Variants in U2AF2 observed in about 807,000 individuals in gnomAD.
U2AF2 encodes the protein U2 small nuclear RNA auxiliary factor 2, also known as splicing factor U2AF 65 kDa subunit.
U2AF2 carries 6 observed loss-of-function variants against 52.6 expected under a neutral mutation model. The ratio of observed to expected loss-of-function variants is 0.11; its 90% CI spans 0.06 to 0.23. U2AF2 has a LOEUF of 0.23. Among genes scored for constraint, U2AF2 ranks in the 10% least tolerant of loss-of-function variants. The pLI is 1.00. For synonymous variants in U2AF2, 284 were observed against 258.2 expected (o/e 1.10, Z -0.96); for missense variants, 222 against 677.1 (o/e 0.33, Z 7.46).
intron 1 of U2AF2, 41 bp downstream of exon 1, chr19:55,655,194 C>G (rs754426662): frequency 6.3e-6 from 10 of 1,583,076 alleles, no homozygotes; most frequent in Non-Finnish European, 7.7e-6. Flanking sequence ...GTGGGCGGCT[C>G]CTCGCGTCGC....
Position 55,674,036 on chromosome 19 carries a change from C to G in U2AF2, c.1396C>G (p.Pro466Ala). 1 of 1,613,710 alleles carries G rather than the reference C, an allele frequency of 6.2e-7. No homozygotes were observed. Among genetic ancestry groups the G allele is most frequent in the Non-Finnish European group, 8.5e-7 (1 of 1,179,822 alleles). ...AGTGGTTGTCACAAAATACTGTGAC[C>G]CCGACTCTTATCACCGCCGGGACTT... ...NRVVVTKYCD[P>A]DSYHRRDFW The change falls in exon 12 of 12, where the codon CCC (proline) becomes GCC (alanine). Residue 466 changes from proline to alanine, a missense_variant. Physicochemically the swap from Pro to Ala is conservative, Grantham distance 27 (BLOSUM62 -1). Around this residue, in one of 4 missense-constraint regions of U2AF2, gnomAD observed 71 missense variants for 180.6 expected, o/e 0.39. Coordinates refer to ENST00000308924, the MANE Select transcript of U2AF2 (RefSeq NM_007279.3).
Position 55,659,441 on chromosome 19 carries a change from C to T in U2AF2, c.185+96C>T, listed in dbSNP as rs186285410. On this transcript the variant is annotated intron_variant, in intron 2 of 11. Coordinates refer to ENST00000308924, the MANE Select transcript of U2AF2 (RefSeq NM_007279.3). Reference sequence around the variant, plus strand: ...GCCTGTGTGTGTCTGTGTCTGGGTCCGGGCCCTGTGTGGCTCGTTCGTTCT... The same window carrying T: ...GCCTGTGTGTGTCTGTGTCTGGGTCTGGGCCCTGTGTGGCTCGTTCGTTCT... 34 of 1,341,952 alleles carry T rather than the reference C, an allele frequency of 2.5e-5. No individual in the cohort carries two copies. In the African/African-American group the frequency reaches 3.5e-4, roughly 14 times the overall value. The allele number at this position is 1,341,952 out of a possible 1,614,324, so 83.1% of individuals were successfully genotyped here.
chr19:55,669,724 C>T (rs768927442), intron 11 of U2AF2, 32 bp downstream of exon 11: 8 of 1,559,134 alleles, frequency 5.1e-6, no homozygotes, highest in East Asian at 2.3e-5. Context: ...TGCTCTCTCA[C>T]CCTCTGCCCC....
At chr19:55,660,142 C>A in intron 2 of U2AF2, 35 bp from the exon 3 acceptor site, 1 of 1,585,300 alleles carries the variant, frequency 6.3e-7, no homozygotes, top group Non-Finnish European at 8.6e-7. Flanking sequence ...GGTCCCCAGT[C>A]ACCCCTCCCC....
chr19:55,656,743 G>T (rs948587258), intron 1 of U2AF2, among the ~76,000 whole-genome samples: 50 of 152,234 alleles, frequency 3.3e-4, no homozygotes, highest in African/African-American at 1.2e-3. Context: ...TCAGGGCTCA[G>T]CTAGTCAGAG....
chr19:55,669,822 C>T (rs1984775453), intron 11 of U2AF2, 130 bp downstream of exon 11: 2 of 1,360,002 alleles, frequency 1.5e-6, no homozygotes, highest in Non-Finnish European at 9.7e-7. Context: ...TCCTCTCTCT[C>T]TCCTCTCGCA....
intron 11 of U2AF2, among the ~76,000 whole-genome samples, chr19:55,670,029 G>A (rs1984792517): frequency 6.6e-6 from 1 of 152,124 alleles, no homozygotes; most frequent in Admixed American, 6.5e-5. Flanking sequence ...TGTGCAAATG[G>A]TTTTGCCTGG....
In U2AF2 at chr19:55,668,621, C is replaced by A; in HGVS notation, c.822+35C>A. ...CTGCCTCCCTCCAGACCCGTCCCCC[C>A]ACCCCGCCCCACCTCATCCCAGCCC... On this transcript the variant is annotated intron_variant, in intron 8 of 11. Transcript: ENST00000308924. The surrounding 1 kb of genome is among the most constrained non-coding windows in gnomAD (Gnocchi z 5.5). 3 of 1,596,626 alleles carry A rather than the reference C, an allele frequency of 1.9e-6. No individual in the cohort carries two copies. Among genetic ancestry groups the A allele is most frequent in the African/African-American group, 1.3e-5 (1 of 74,582 alleles).
intron 3 of U2AF2, 55 bp from the exon 4 acceptor site, chr19:55,660,461 A>C: frequency 1.7e-6 from 2 of 1,167,850 alleles, no homozygotes; most frequent in Non-Finnish European, 2.5e-6. Context: ...TCGCAGGCCC[A>C]CTGTTGGTCA....
chr19:55,660,278 C>T (rs377628998), intron 3 of U2AF2, 57 bp downstream of exon 3: 34 of 1,575,084 alleles, frequency 2.2e-5, no homozygotes, highest in South Asian at 6.9e-5. Flanking sequence ...ACCTTCCTCA[C>T]GCCCGTGCAC....
At chr19:55,655,526 T>A (rs190661772) in intron 1 of U2AF2, among the ~76,000 whole-genome samples, 3 of 152,274 alleles carry the variant, frequency 2.0e-5, no homozygotes, top group Non-Finnish European at 4.4e-5. Flanking sequence ...CCGTAATCTC[T>A]TTTCTCCCGC....
At chr19:55,673,880 A>G (rs2122137175) in intron 11 of U2AF2, 54 bp from the exon 12 acceptor site, 5 of 1,566,914 alleles carry the variant, frequency 3.2e-6, no homozygotes, top group Admixed American at 1.8e-5. Context: ...GTGGACGCTG[A>G]CTGGCTGTTG....
intron 3 of U2AF2, 133 bp downstream of exon 3, chr19:55,660,354 A>T (rs1418587827): frequency 2.6e-6 from 3 of 1,162,514 alleles, no homozygotes; most frequent in Non-Finnish European, 3.7e-6. Flanking sequence ...TGAAACCAGC[A>T]CCCCTTTCCC....
chr19:55,655,226 C>G (rs1568546362), intron 1 of U2AF2, 73 bp downstream of exon 1: 1 of 1,518,734 alleles, frequency 6.6e-7, no homozygotes. Flanking sequence ...CCGCCATTTT[C>G]TCCCTCGCTT....
chr19:55,659,103 G>T, intron 1 of U2AF2, 107 bp from the exon 2 acceptor site: 1 of 1,364,964 alleles, frequency 7.3e-7, no homozygotes. Flanking sequence ...CCTTCCCTTT[G>T]GGGGTGGCCT....
At chr19:55,657,782 C>T (rs1427617505) in intron 1 of U2AF2, among the ~76,000 whole-genome samples, 1 of 152,212 alleles carries the variant, frequency 6.6e-6, no homozygotes, top group African/African-American at 2.4e-5. Context: ...TCGTGCTTAA[C>T]TCACTGATGT....
At position 55,668,621 on chromosome 19, in the gene U2AF2, C is replaced by CCCCCCCCCCCCCCCCAA; in HGVS notation, c.822+35_822+36insCCCCCCCCCCCCCCCAA. ...CTGCCTCCCTCCAGACCCGTCCCCCCACCCCGCCCCACCTCATCCCAGCCC... is the reference window on the plus strand; with the variant it reads ...CTGCCTCCCTCCAGACCCGTCCCCCCCCCCCCCCCCCCCCCAAACCCCGCCCCACCTCATCCCAGCCC... On this transcript the variant is annotated intron_variant, in intron 8 of 11. Coordinates refer to ENST00000308924, the MANE Select transcript of U2AF2 (RefSeq NM_007279.3). This position sits in a 1 kb window ranked among gnomAD's most constrained non-coding sequence, Gnocchi z 5.5. 6.3e-7 allele frequency: 1 copy of CCCCCCCCCCCCCCCCAA among 1,596,620 alleles called. No homozygotes were observed.
chr19:55,672,649 T>C (rs865866116), intron 11 of U2AF2, among the ~76,000 whole-genome samples: 4 of 152,304 alleles, frequency 2.6e-5, no homozygotes, highest in Middle Eastern at 3.4e-3. Context: ...TTTTGTTTTT[T>C]TAACAAAACC....
At chr19:55,672,695 G>A (rs1984995935) in intron 11 of U2AF2, among the ~76,000 whole-genome samples, 1 of 150,392 alleles carries the variant, frequency 6.6e-6, no homozygotes, top group South Asian at 2.1e-4. Context: ...ATTCCTTAGT[G>A]CCTATTCCAT....
Sources: gnomAD v4.1 joint callset for allele counts (sites outside exome capture counted in the v4.1 genomes callset) on GRCh38, gnomAD v4.1.1 for gene constraint, gnomAD v4.1.1 regional missense constraint, Gnocchi (gnomAD v3.1) non-coding constraint, MANE v1.5 for transcripts, NCBI Gene and HGNC (gene_info 2026-07-23, HGNC 2026-07-21) for gene names.